DLG2: variants seen among roughly 807,000 people sequenced by gnomAD.
DLG2 encodes disks large homolog 2.
A neutral mutation model predicts 132.5 loss-of-function variants in DLG2; 45 were observed. The observed-to-expected ratio is 0.34, with a 90% confidence interval of 0.27 to 0.44. DLG2 has a LOEUF of 0.44. Ranked by LOEUF, DLG2 falls within the 20% of genes least tolerant of loss-of-function variation. The pLI is 1.00. For synonymous variants in DLG2, 424 were observed against 419.6 expected, an observed-to-expected ratio of 1.01 and a Z score of -0.13; for missense variants, 1,045 against 1,196.9, an observed-to-expected ratio of 0.87 and a Z score of 1.87.
At chr11:84,853,324 C>T (rs17147637) in intron 6 of DLG2, among the ~76,000 whole-genome samples, 3,714 of 151,968 alleles carry the variant, frequency 0.024, 173 homozygotes, top group African/African-American at 0.086. Context: ...GATAATATAA[C>T]GTGAAAAGGG....
At chr11:84,428,738 T>C (rs539038578) in intron 7 of DLG2, among the ~76,000 whole-genome samples, 1 of 152,262 alleles carries the variant, frequency 6.6e-6, no homozygotes, top group South Asian at 2.1e-4. Flanking sequence ...AACATATGAA[T>C]TTGGGGAGGT....
Position 84,940,713 on chromosome 11 carries a change from G to A in DLG2, c.357+170948C>T, listed in dbSNP as rs538254696. Among the ~76,000 whole-genome samples, 33 of 152,252 alleles carry A rather than the reference G, an allele frequency of 2.2e-4. No individual in the cohort carries two copies. The South Asian group carries it at 2.7e-3, about 12-fold the overall frequency. On this transcript the variant is annotated intron_variant, in intron 6 of 27. Transcript: ENST00000376104. ...AGTTTGTTGATTGTTTCTTTGCTGTGCAGAAGCTTTGTAACTTGATGTGAT... is the reference window on the plus strand; with the variant it reads ...AGTTTGTTGATTGTTTCTTTGCTGTACAGAAGCTTTGTAACTTGATGTGAT...
chr11:85,156,718 A>G (rs1211245547), intron 4 of DLG2, among the ~76,000 whole-genome samples: 1 of 152,202 alleles, frequency 6.6e-6, no homozygotes, highest in Non-Finnish European at 1.5e-5. Context: ...CCATCATCAT[A>G]CTGAACACGG....
chr11:84,768,260 G>A (rs536003321), intron 6 of DLG2, among the ~76,000 whole-genome samples: 3 of 152,142 alleles, frequency 2.0e-5, no homozygotes, highest in South Asian at 2.1e-4. Flanking sequence ...GAGCCATCTC[G>A]TTATTCTATA....
intron 3 of DLG2, among the ~76,000 whole-genome samples, chr11:85,526,531 A>C: frequency 6.6e-6 from 1 of 152,214 alleles, no homozygotes; most frequent in East Asian, 1.9e-4. Context: ...ATGTTAAATA[A>C]AGTCATTCAG....
chr11:83,829,971 C>A (rs1014034118), intron 17 of DLG2, among the ~76,000 whole-genome samples: 3 of 152,016 alleles, frequency 2.0e-5, no homozygotes, highest in Non-Finnish European at 4.4e-5. Context: ...TGTTCAATTC[C>A]CACCTATGAG....
At chr11:83,488,501 A>ATC in intron 21 of DLG2, among the ~76,000 whole-genome samples, 1 of 151,984 alleles carries the variant, frequency 6.6e-6, no homozygotes. Flanking sequence ...TCCTACTCAA[A>ATC]TCTCATGTTT....
intron 8 of DLG2, among the ~76,000 whole-genome samples, chr11:84,207,902 C>T (rs1045350752): frequency 2.6e-5 from 4 of 151,926 alleles, no homozygotes; most frequent in Non-Finnish European, 4.4e-5. Context: ...CTTGAATATA[C>T]AAAACAATTT....
intron 6 of DLG2, among the ~76,000 whole-genome samples, chr11:84,795,878 C>T (rs967647589): frequency 4.6e-5 from 7 of 152,146 alleles, no homozygotes; most frequent in African/African-American, 7.2e-5. Flanking sequence ...ACCACAGGCT[C>T]GCAGGAAGCC....
rs556036960 is a variant in DLG2 at position 84,342,055 on chromosome 11, C to CTT, written c.520-90766_520-90765dup. 4.0e-4 allele frequency among the ~76,000 whole-genome samples: 59 copies of CTT among 147,610 alleles called. 2 individuals are homozygous for CTT. The South Asian group carries it at 0.012, about 30-fold the overall frequency. On this transcript the variant is annotated intron_variant, in intron 7 of 27. Transcript: ENST00000376104. ...ATACAATGTCCTAACCTGGACTTTT[C>CTT]TTTTTTTTTTTAATTTTATTTAGGG...
intron 11 of DLG2, among the ~76,000 whole-genome samples, chr11:84,003,432 G>T (rs762520249): frequency 1.6e-4 from 24 of 152,074 alleles, no homozygotes; most frequent in Non-Finnish European, 3.5e-4. Context: ...AGAACTGTCT[G>T]GGACTGAGTG....
intron 8 of DLG2, among the ~76,000 whole-genome samples, chr11:84,221,796 T>A (rs2096919574): frequency 6.6e-6 from 1 of 152,126 alleles, no homozygotes; most frequent in Non-Finnish European, 1.5e-5. Context: ...GTTTGTCTCA[T>A]GTAAAGAACT....
intron 6 of DLG2, among the ~76,000 whole-genome samples, chr11:84,935,995 A>C (rs2154094235): frequency 6.6e-6 from 1 of 152,344 alleles, no homozygotes; most frequent in Admixed American, 6.5e-5. Context: ...TTATTCAGTT[A>C]ATGTTTGGCT....
At chr11:84,958,903 C>G (rs2154107322) in intron 6 of DLG2, among the ~76,000 whole-genome samples, 1 of 152,320 alleles carries the variant, frequency 6.6e-6, no homozygotes, top group South Asian at 2.1e-4. Flanking sequence ...GCACTGGTCT[C>G]CAAAAGAACT....
At chr11:85,206,837 A>C (rs2081929459) in intron 4 of DLG2, among the ~76,000 whole-genome samples, 1 of 152,112 alleles carries the variant, frequency 6.6e-6, no homozygotes, top group Admixed American at 6.5e-5. Context: ...CCTTCTAAAA[A>C]TGAAAAAAAG....
chr11:84,025,376 T>A (rs1418644228), intron 11 of DLG2, among the ~76,000 whole-genome samples: 1 of 151,996 alleles, frequency 6.6e-6, no homozygotes, highest in Non-Finnish European at 1.5e-5. Flanking sequence ...AGGAAAGACC[T>A]GCCCCCATGT....
At chr11:84,784,668 A>C (rs927168993) in intron 6 of DLG2, among the ~76,000 whole-genome samples, 10 of 152,078 alleles carry the variant, frequency 6.6e-5, no homozygotes, top group Non-Finnish European at 1.0e-4. Context: ...GTACCAACAA[A>C]AATTCTTTAA....
chr11:83,773,954 A>G lies in DLG2; in HGVS notation c.1825+12736T>C, dbSNP rs117586049. Among the ~76,000 whole-genome samples the G allele has an allele frequency of 5.0e-4, 76 of 152,306 alleles. No homozygotes were observed. The East Asian group carries it at 0.014, about 27-fold the overall frequency. On this transcript the variant is annotated intron_variant, in intron 18 of 27. Coordinates refer to ENST00000376104, the MANE Select transcript of DLG2 (RefSeq NM_001142699.3). ...GAAGAGCATTTCTTGCCTTCTGATA[A>G]ACAGCTTTAAAACTGTTTTTTGGTG...
chr11:83,726,716 T>C (rs1470453590), intron 18 of DLG2, among the ~76,000 whole-genome samples: 1 of 152,034 alleles, frequency 6.6e-6, no homozygotes, highest in Non-Finnish European at 1.5e-5. Flanking sequence ...AAGTCAGTTA[T>C]TGCAGACCCT....
Sources: gnomAD v4.1 joint callset for allele counts (sites outside exome capture counted in the v4.1 genomes callset) on GRCh38, gnomAD v4.1.1 for gene constraint, MANE v1.5 for transcripts, NCBI Gene and HGNC (gene_info 2026-07-23, HGNC 2026-07-21) for gene names.